ASRGL1: variants seen among roughly 807,000 people sequenced by gnomAD.
The protein encoded by ASRGL1 is asparaginase and isoaspartyl peptidase 1.
ASRGL1 carries 16 observed loss-of-function variants against 22.4 expected under a neutral mutation model. The ratio of observed to expected loss-of-function variants is 0.71; its 90% confidence interval spans 0.48 to 1.08. ASRGL1 has a LOEUF of 1.08. Among genes scored for constraint, ASRGL1 ranks in the 50% least tolerant of loss-of-function variants. The pLI, the probability that ASRGL1 is intolerant of heterozygous loss-of-function variation, is 0.00. For missense variants in ASRGL1, 412 were observed against 410.1 expected, an observed-to-expected ratio of 1.00 and a Z score of -0.04; for synonymous variants, 165 against 159.3, an observed-to-expected ratio of 1.04 and a Z score of -0.27.
intron 4 of ASRGL1, 98 bp from the exon 5 acceptor site, chr11:62,389,033 CAT>C: frequency 9.9e-7 from 1 of 1,009,846 alleles, no homozygotes; most frequent in Non-Finnish European, 1.5e-6. Flanking sequence ...GCCCCATCAA[CAT>C]ATAACATGAA....
At chr11:62,372,790 G>T in intron 4 of ASRGL1, 2 of 1,577,752 alleles carry the variant, frequency 1.3e-6, no homozygotes, top group South Asian at 2.2e-5. Context: ...GGTTACACCT[G>T]CTCCTTTGCC....
intron 2 of ASRGL1, among the ~76,000 whole-genome samples, chr11:62,338,640 A>G (rs1945785670): frequency 6.6e-6 from 1 of 152,196 alleles, no homozygotes; most frequent in African/African-American, 2.4e-5. Flanking sequence ...CTGCAGATAG[A>G]ATTAATAGAA....
chr11:62,397,116 G>A (rs1233150038), downstream of ASRGL1, among the ~76,000 whole-genome samples: 2 of 152,120 alleles, frequency 1.3e-5, no homozygotes, highest in African/African-American at 2.4e-5. Flanking sequence ...TGCAACCTCC[G>A]TCTCCTGGGT....
intron 4 of ASRGL1, chr11:62,372,307 A>C (rs1470675998): frequency 6.2e-7 from 1 of 1,603,332 alleles, no homozygotes; most frequent in South Asian, 1.1e-5. Flanking sequence ...AAGATGGGGC[A>C]GCTGGGCCTT....
chr11:62,369,412 A>C (rs985901129), intron 4 of ASRGL1, among the ~76,000 whole-genome samples: 5 of 152,146 alleles, frequency 3.3e-5, no homozygotes, highest in Non-Finnish European at 7.3e-5. Flanking sequence ...ACTTCTTTCT[A>C]CATAGACACA....
At chr11:62,392,036 T>A in intron 6 of ASRGL1, 43 bp from the exon 7 acceptor site, 1 of 1,596,474 alleles carries the variant, frequency 6.3e-7, no homozygotes. Context: ...ATGAGATTCC[T>A]TTCAGTAATG....
intron 2 of ASRGL1, 98 bp downstream of exon 2, chr11:62,338,265 T>C: frequency 8.1e-7 from 1 of 1,240,276 alleles, no homozygotes; most frequent in Non-Finnish European, 1.1e-6. Context: ...CTAATGAGCT[T>C]TGGGGTGAAA....
chr11:62,356,629 G>T (rs114429359), intron 3 of ASRGL1, among the ~76,000 whole-genome samples, 162 bp downstream of exon 3: 224 of 152,272 alleles, frequency 1.5e-3, no homozygotes, highest in African/African-American at 5.2e-3. Flanking sequence ...CATGATTTTT[G>T]ACTAGGAATC....
intron 4 of ASRGL1, chr11:62,383,380 G>A (rs1205431827): frequency 1.3e-5 from 2 of 151,384 alleles, no homozygotes; most frequent in African/African-American, 4.9e-5. Flanking sequence ...GAGGCGGGCG[G>A]ATCACGAGGT....
At chr11:62,348,398 A>G (rs1946083447) in intron 2 of ASRGL1, among the ~76,000 whole-genome samples, 1 of 152,108 alleles carries the variant, frequency 6.6e-6, no homozygotes, top group Non-Finnish European at 1.5e-5. Flanking sequence ...TGATTGGGGC[A>G]GAGATGAAAT....
chr11:62,389,088 T>A, intron 4 of ASRGL1, 45 bp from the exon 5 acceptor site: 1 of 1,515,146 alleles, frequency 6.6e-7, no homozygotes, highest in Non-Finnish European at 9.1e-7. Flanking sequence ...ATGGTGTTCA[T>A]TCTCATTTTC....
rs144871449 is a variant in ASRGL1 at position 62,392,081 on chromosome 11, A to C, written c.724A>C (p.Lys242Gln). The C allele has an allele frequency of 1.8e-5, 29 of 1,614,176 alleles. No individual in the cohort carries two copies. The African/African-American group carries it at 3.9e-4, about 22-fold the overall frequency. ...TCTCAACCCTTCCTTGTTTTCAGGA[A>C]AGACGGTAGAAGAGGCTGCGGACCT... ...RLTLFHIEQG[K>Q]TVEEAADLSL... Residue 242 changes from lysine (K) to glutamine (Q), a missense_variant and splice_region_variant, in exon 7 of 7, where the codon AAG becomes CAG. Coordinates refer to ENST00000415229, the MANE Select transcript of ASRGL1 (RefSeq NM_001083926.2).
At chr11:62,391,380 T>C (rs1019259637) in intron 5 of ASRGL1, 142 bp from the exon 6 acceptor site, 22 of 1,268,546 alleles carry the variant, frequency 1.7e-5, no homozygotes, top group Non-Finnish European at 2.1e-5. Flanking sequence ...CACCTTTGCC[T>C]CCGCAGATCA....
chr11:62,346,949 C>T (rs1946039698), intron 2 of ASRGL1, among the ~76,000 whole-genome samples: 2 of 144,560 alleles, frequency 1.4e-5, no homozygotes, highest in Non-Finnish European at 3.0e-5. Context: ...CAGCCTGGGG[C>T]GACAGTGAGA....
chr11:62,368,253 C>T (rs374760357), intron 4 of ASRGL1, among the ~76,000 whole-genome samples: 82 of 152,202 alleles, frequency 5.4e-4, no homozygotes, highest in African/African-American at 1.8e-3. Flanking sequence ...ACAGTATAGG[C>T]GAAAACAGTG....
chr11:62,371,187 C>T (rs980801745), intron 4 of ASRGL1: 16 of 1,239,098 alleles, frequency 1.3e-5, no homozygotes, highest in Non-Finnish European at 1.5e-5. Context: ...GCTCGGGCAA[C>T]GGCACTGCCC....
intron 4 of ASRGL1, among the ~76,000 whole-genome samples, chr11:62,374,749 C>T (rs1223658028): frequency 1.3e-5 from 2 of 152,142 alleles, no homozygotes; most frequent in East Asian, 1.9e-4. Context: ...CTTAGTCTGA[C>T]GCCACGCGCA....
chr11:62,348,970 G>T (rs72923203), intron 2 of ASRGL1, among the ~76,000 whole-genome samples: 29 of 82,144 alleles, frequency 3.5e-4, no homozygotes, highest in East Asian at 7.6e-4. Flanking sequence ...GTTTTTTGTG[G>T]TTTTTTTTTG....
Position 62,392,229 on chromosome 11 carries a change from G to A in ASRGL1, c.872G>A (p.Gly291Asp). Residue 291 changes from glycine to aspartate, a missense_variant, in exon 7 of 7, where the codon GGC becomes GAC. Gly to Asp is a moderately conservative substitution (Grantham distance 94). Coordinates refer to ENST00000415229, the MANE Select transcript of ASRGL1 (RefSeq NM_001083926.2). ...TSMPWAAAKD[G>D]KLHFGIDPDD... is the part of the protein sequence containing the mutation. ...ATGCCCTGGGCAGCCGCCAAGGACG[G>A]CAAGCTGCACTTCGGAATTGATCCT... 6.2e-7 allele frequency: 1 copy of A among 1,614,194 alleles called. No individual in the cohort carries two copies. Among genetic ancestry groups the A allele is most frequent in the African/African-American group, 1.3e-5 (1 of 75,058 alleles).
Sources: gnomAD v4.1 joint callset for allele counts (sites outside exome capture counted in the v4.1 genomes callset) on GRCh38, gnomAD v4.1.1 for gene constraint, MANE v1.5 for transcripts, NCBI Gene and HGNC (gene_info 2026-07-23, HGNC 2026-07-21) for gene names.